Variants in HBP1 observed in about 807,000 individuals in gnomAD.
The protein encoded by HBP1 is HMG-box transcription factor 1, also known as HMG box-containing protein 1.
A neutral mutation model predicts 62.6 loss-of-function variants in HBP1; 20 were observed. The observed-to-expected ratio is 0.32, with a 90% CI of 0.22 to 0.46. The LOEUF (loss-of-function observed/expected upper bound fraction) is 0.46. Among genes scored for constraint, HBP1 ranks in the 20% least tolerant of loss-of-function variants. HBP1 has a pLI of 1.00. For synonymous variants in HBP1, 232 were observed against 206.2 expected (o/e 1.12, Z -1.07); for missense variants, 480 against 611.8 (o/e 0.78, Z 2.27).
At chr7:107,187,353 G>A (rs1474831819) in intron 6 of HBP1, among the ~76,000 whole-genome samples, 4 of 152,108 alleles carry the variant, frequency 2.6e-5, no homozygotes. Context: ...ATTATTGAAA[G>A]CCAATTATAT....
At position 107,186,366 on chromosome 7, in the gene HBP1, TAGTG is replaced by T. The variant is rs776743486; in HGVS notation, c.550_553del (p.Glu184GlnfsTer32). On this transcript the variant is annotated frameshift_variant, in exon 5 of 11. Transcript: ENST00000222574. LOFTEE classifies it high-confidence loss of function. ...GATAATATTTTTCTCCATAGGCAAA[TAGTG>T]AGTCAGAATCTGGCATTTTCTGCAT... The T allele has an allele frequency of 1.9e-6, 3 of 1,586,482 alleles. No homozygotes were observed. Among genetic ancestry groups the T allele is most frequent in the Non-Finnish European group, 2.6e-6 (3 of 1,157,324 alleles).
At chr7:107,169,907 G>A in intron 1 of HBP1, 1 of 985,508 alleles carries the variant, frequency 1.0e-6, no homozygotes, top group African/African-American at 1.7e-5. Flanking sequence ...CAAAGAGGAG[G>A]CTTGGCAGGC....
chr7:107,197,739 CAATT>C (rs761340310), intron 9 of HBP1, among the ~76,000 whole-genome samples: 4 of 152,218 alleles, frequency 2.6e-5, no homozygotes, highest in Admixed American at 1.3e-4. Flanking sequence ...TGACTTTTGG[CAATT>C]AATCTTTAAG....
intron 6 of HBP1, 32 bp downstream of exon 6, chr7:107,186,713 A>T (rs1273301109): frequency 1.7e-6 from 2 of 1,194,860 alleles, no homozygotes; most frequent in East Asian, 2.3e-5. Context: ...AATTTTTCAA[A>T]ATCTTTCCAA....
chr7:107,200,459 A>G (rs900039082), intron 10 of HBP1, 158 bp downstream of exon 10: 19 of 474,638 alleles, frequency 4.0e-5, no homozygotes, highest in African/African-American at 3.2e-4. Context: ...ATCATCATAT[A>G]AAGACTGCCT....
intron 1 of HBP1, chr7:107,173,360 A>C (rs1259311378): frequency 6.6e-6 from 1 of 152,216 alleles, no homozygotes; most frequent in Non-Finnish European, 1.5e-5. Context: ...GGATTCCATG[A>C]TGATGATGGA....
intron 1 of HBP1, among the ~76,000 whole-genome samples, chr7:107,171,121 G>C (rs1796571826): frequency 7.6e-6 from 1 of 132,392 alleles, no homozygotes. Context: ...CCAGGCTGGA[G>C]TGCAGGGGTG....
chr7:107,170,122 G>C, intron 1 of HBP1: 1 of 984,898 alleles, frequency 1.0e-6, no homozygotes. Context: ...AAGGAGCACT[G>C]ACAGCGAGGT....
At chr7:107,183,153 C>T (rs1036454775) in intron 3 of HBP1, among the ~76,000 whole-genome samples, 8 of 152,110 alleles carry the variant, frequency 5.3e-5, no homozygotes, top group Admixed American at 2.6e-4. Context: ...TATGAAATTA[C>T]GGAAGCTTCC....
At chr7:107,197,911 ATGAC>A (rs1394285059) in intron 9 of HBP1, among the ~76,000 whole-genome samples, 1 of 152,166 alleles carries the variant, frequency 6.6e-6, no homozygotes, top group African/African-American at 2.4e-5. Flanking sequence ...TCCTGAGAAA[ATGAC>A]TGGCCTTAGA....
At chr7:107,191,951 C>A (rs1209856032) in intron 8 of HBP1, among the ~76,000 whole-genome samples, 2 of 151,946 alleles carry the variant, frequency 1.3e-5, no homozygotes, top group African/African-American at 4.8e-5. Flanking sequence ...TAATACAAAG[C>A]AAAATTGGGA....
chr7:107,174,801 GT>G, intron 1 of HBP1: 4 of 557,808 alleles, frequency 7.2e-6, no homozygotes, highest in Non-Finnish European at 9.1e-6. Flanking sequence ...GCTCACATCT[GT>G]ATGTGAAGCA....
At position 107,201,535 on chromosome 7, in the gene HBP1, A is replaced by G. The variant is rs1798305599; in HGVS notation, c.*104A>G. The G allele has an allele frequency of 1.6e-6, 1 of 631,164 alleles. No individual in the cohort carries two copies. Among genetic ancestry groups the G allele is most frequent in the Non-Finnish European group, 2.9e-6 (1 of 347,732 alleles). 39.1% of individuals were successfully genotyped at this position (631,164 alleles called of 1,614,324 possible). On this transcript the variant is annotated 3_prime_UTR_variant, in exon 11 of 11. Coordinates refer to ENST00000222574, the MANE Select transcript of HBP1 (RefSeq NM_012257.4). ...TCACCATTTGTCCTCAATTCGTGTGACCATAAGATACTGATAGCATTGAGT... is the reference window on the plus strand; with the variant it reads ...TCACCATTTGTCCTCAATTCGTGTGGCCATAAGATACTGATAGCATTGAGT...
chr7:107,173,157 T>A (rs184768823), intron 1 of HBP1, among the ~76,000 whole-genome samples: 39 of 152,360 alleles, frequency 2.6e-4, no homozygotes, highest in Admixed American at 2.2e-3. Context: ...TTGCATTTAA[T>A]ATACTTTGTT....
intron 8 of HBP1, among the ~76,000 whole-genome samples, 180 bp from the exon 9 acceptor site, chr7:107,195,654 G>T (rs544451414): frequency 2.0e-5 from 3 of 151,612 alleles, no homozygotes; most frequent in Non-Finnish European, 4.4e-5. Flanking sequence ...CACATATACA[G>T]ATTTCATTTT....
chr7:107,192,092 G>C (rs1797679666), intron 8 of HBP1, among the ~76,000 whole-genome samples: 1 of 152,048 alleles, frequency 6.6e-6, no homozygotes, highest in Non-Finnish European at 1.5e-5. Flanking sequence ...GTCTCCCAGG[G>C]AAGCTTGTTA....
At chr7:107,188,690 A>G (rs1797502953) in intron 6 of HBP1, among the ~76,000 whole-genome samples, 1 of 152,202 alleles carries the variant, frequency 6.6e-6, no homozygotes, top group South Asian at 2.1e-4. Flanking sequence ...GGTGTCTCTC[A>G]TTATATCCTC....
intron 1 of HBP1, among the ~76,000 whole-genome samples, chr7:107,177,358 T>C (rs1796900494): frequency 6.6e-6 from 1 of 152,224 alleles, no homozygotes; most frequent in Admixed American, 6.5e-5. Flanking sequence ...ATAGTCAGTA[T>C]TGAGCAAGGC....
At chr7:107,180,342 GCTA>G (rs1210321381) in intron 2 of HBP1, among the ~76,000 whole-genome samples, 2 of 152,206 alleles carry the variant, frequency 1.3e-5, no homozygotes, top group Non-Finnish European at 2.9e-5. Flanking sequence ...TTCGAAAGAT[GCTA>G]CTTTTGAAAT....
Sources: allele counts gnomAD v4.1 joint callset (sites outside exome capture counted in the v4.1 genomes callset), GRCh38; gene constraint gnomAD v4.1.1; transcripts MANE v1.5; gene names NCBI Gene and HGNC (gene_info 2026-07-23, HGNC 2026-07-21).